The following UNC5C variants were observed in gnomAD, a reference collection of about 807,000 sequenced individuals.
UNC5C encodes the protein netrin receptor UNC5C.
UNC5C carries 47 observed loss-of-function variants against 99.8 expected under a neutral mutation model. That is an observed-to-expected ratio of 0.47 (90% CI 0.37 to 0.60). The LOEUF is 0.60. Among genes scored for constraint, UNC5C ranks in the 20% least tolerant of loss-of-function variants. The pLI is 0.00. For missense variants in UNC5C, 1,062 were observed against 1,165.9 expected (o/e 0.91, Z 1.30); for synonymous variants, 487 against 452.2 (o/e 1.08, Z -0.98).
intron 1 of UNC5C, among the ~76,000 whole-genome samples, chr4:95,410,181 C>T (rs964055862): frequency 6.6e-6 from 1 of 152,104 alleles, no homozygotes; most frequent in African/African-American, 2.4e-5. Flanking sequence ...GATGACACCG[C>T]TGATTTTCAG....
intron 2 of UNC5C, among the ~76,000 whole-genome samples, chr4:95,319,859 G>A (rs1742615272): frequency 6.6e-6 from 1 of 152,188 alleles, no homozygotes. Context: ...AAATTATTGA[G>A]AGAATAATGG....
In UNC5C at chr4:95,242,571, C is replaced by G. The variant is rs1739365690; in HGVS notation, c.966G>C (p.Trp322Cys). ...CAGTTCCACAAGTAGACCACTTGCT[C>G]CATGGCGTCCACCTGCCATCCACTG... ...LCPVDGRWTP[W>C]SKWSTCGTEC... Residue 322 changes from tryptophan to cysteine, a missense_variant, in exon 7 of 16, where the codon TGG becomes TGC. By Grantham distance (215) the Trp-to-Cys change is radical. Transcript: ENST00000453304. 6.3e-7 allele frequency: 1 copy of G among 1,592,084 alleles called. No individual in the cohort carries two copies. Among genetic ancestry groups the G allele is most frequent in the Non-Finnish European group, 8.6e-7 (1 of 1,168,122 alleles).
intron 14 of UNC5C, among the ~76,000 whole-genome samples, chr4:95,173,191 G>A (rs1185027787): frequency 6.7e-6 from 1 of 150,036 alleles, no homozygotes; most frequent in African/African-American, 2.5e-5. Flanking sequence ...TGCAAACAGG[G>A]ACAATTTGAC....
At chr4:95,534,786 C>T (rs1722733387) in intron 1 of UNC5C, among the ~76,000 whole-genome samples, 1 of 151,976 alleles carries the variant, frequency 6.6e-6, no homozygotes, top group Non-Finnish European at 1.5e-5. Context: ...TAATTAATTT[C>T]TTTTTTGCTT....
At chr4:95,173,701 T>G (rs10433972) in intron 14 of UNC5C, among the ~76,000 whole-genome samples, 2 of 152,034 alleles carry the variant, frequency 1.3e-5, no homozygotes, top group South Asian at 4.1e-4. Flanking sequence ...TCTAAAATTC[T>G]CTTTTTTGGT....
intron 1 of UNC5C, among the ~76,000 whole-genome samples, chr4:95,525,177 C>G (rs1028577038): frequency 6.6e-6 from 1 of 152,150 alleles, no homozygotes; most frequent in East Asian, 1.9e-4. Flanking sequence ...AGAATGCACT[C>G]CCCTGTGTTG....
At chr4:95,543,997 T>C (rs1193084803) in intron 1 of UNC5C, among the ~76,000 whole-genome samples, 1 of 152,200 alleles carries the variant, frequency 6.6e-6, no homozygotes, top group Non-Finnish European at 1.5e-5. Flanking sequence ...CTATCATCAC[T>C]CTGAGTTCAA....
At chr4:95,422,803 C>T (rs1285176834) in intron 1 of UNC5C, among the ~76,000 whole-genome samples, 1 of 152,160 alleles carries the variant, frequency 6.6e-6, no homozygotes, top group African/African-American at 2.4e-5. Flanking sequence ...GATAATTCTG[C>T]TGCATTTATA....
chr4:95,451,363 A>G (rs1228314966), intron 1 of UNC5C, among the ~76,000 whole-genome samples: 2 of 152,194 alleles, frequency 1.3e-5, no homozygotes, highest in Non-Finnish European at 2.9e-5. Context: ...AGAAACATAT[A>G]AGAAAAAGTA....
At chr4:95,531,192 C>A (rs995940222) in intron 1 of UNC5C, among the ~76,000 whole-genome samples, 38 of 152,250 alleles carry the variant, frequency 2.5e-4, no homozygotes, top group Non-Finnish European at 5.3e-4. Flanking sequence ...TGTTTTCAAG[C>A]CAGTTTTTCC....
chr4:95,277,012 T>A (rs1030768185), intron 4 of UNC5C, among the ~76,000 whole-genome samples: 2 of 152,176 alleles, frequency 1.3e-5, no homozygotes, highest in African/African-American at 4.8e-5. Context: ...AACAATCAGA[T>A]GTTTGAGCTT....
chr4:95,186,143 G>A (rs1052244869), intron 12 of UNC5C, among the ~76,000 whole-genome samples: 1 of 152,098 alleles, frequency 6.6e-6, no homozygotes, highest in Non-Finnish European at 1.5e-5. Context: ...CCATCCCTAT[G>A]CACGTTACTC....
At chr4:95,320,509 T>C (rs992087868) in intron 2 of UNC5C, among the ~76,000 whole-genome samples, 1 of 152,130 alleles carries the variant, frequency 6.6e-6, no homozygotes, top group Non-Finnish European at 1.5e-5. Context: ...AAGGTTAGAT[T>C]AAAAAGTACA....
rs375510086 is a variant in UNC5C, at chr4:95,242,407, C to T, written c.1108+22G>A. On this transcript the variant is annotated intron_variant, in intron 7 of 15. Coordinates refer to ENST00000453304, the MANE Select transcript of UNC5C (RefSeq NM_003728.4). ...CAATCTCCAGCCCCCTCAATGTCTG[C>T]AGTTTGCTTAAATTGACTTACTCTG... 5.6e-6 allele frequency: 9 copies of T among 1,613,660 alleles called. No homozygotes were observed. The African/African-American group carries it at 1.1e-4, about 19-fold the overall frequency.
intron 1 of UNC5C, among the ~76,000 whole-genome samples, chr4:95,374,973 A>C (rs553263331): frequency 6.6e-6 from 1 of 152,240 alleles, no homozygotes; most frequent in Non-Finnish European, 1.5e-5. Flanking sequence ...TCAGCACTTC[A>C]AGCATGAAAC....
chr4:95,255,354 C>T (rs1055397902), intron 4 of UNC5C, among the ~76,000 whole-genome samples: 1 of 152,130 alleles, frequency 6.6e-6, no homozygotes, highest in Non-Finnish European at 1.5e-5. Flanking sequence ...AAATTCATAA[C>T]AGATCACAAG....
intron 1 of UNC5C, among the ~76,000 whole-genome samples, chr4:95,484,442 C>G (rs1721267902): frequency 6.6e-6 from 1 of 151,616 alleles, no homozygotes; most frequent in Admixed American, 6.6e-5. Context: ...GTATGCTTCC[C>G]AACCACTGTG....
chr4:95,244,936 A>G, intron 6 of UNC5C, 41 bp downstream of exon 6: 1 of 1,609,534 alleles, frequency 6.2e-7, no homozygotes, highest in Non-Finnish European at 8.5e-7. Flanking sequence ...TGTTTCTTGA[A>G]TAATAGGAGA....
At chr4:95,422,898 T>C (rs1035662016) in intron 1 of UNC5C, among the ~76,000 whole-genome samples, 1 of 152,202 alleles carries the variant, frequency 6.6e-6, no homozygotes, top group Non-Finnish European at 1.5e-5. Flanking sequence ...ACATGAATAC[T>C]ATGAGGAAGG....
Sources: allele counts gnomAD v4.1 joint callset (sites outside exome capture counted in the v4.1 genomes callset), GRCh38; gene constraint gnomAD v4.1.1; transcripts MANE v1.5; gene names NCBI Gene and HGNC (gene_info 2026-07-23, HGNC 2026-07-21).